CSMD1: variants seen among roughly 807,000 people sequenced by gnomAD.
CSMD1 encodes CUB and Sushi multiple domains 1.
In CSMD1, 213 loss-of-function variants were observed where a neutral mutation model predicts 417.5. That is an observed-to-expected ratio of 0.51 (90% CI 0.46 to 0.57). The LOEUF (loss-of-function observed/expected upper bound fraction) is 0.57. CSMD1 is among the 20% of genes least tolerant of loss of function. CSMD1 has a pLI of 0.00. For missense variants in CSMD1, 6,923 were observed against 4,529.7 expected (o/e 1.53, Z -15.17); for synonymous variants, 2,862 against 1,736.8 (o/e 1.65, Z -16.11).
At chr8:3,839,138 T>C (rs941904244) in intron 5 of CSMD1, among the ~76,000 whole-genome samples, 1 of 127,178 alleles carries the variant, frequency 7.9e-6, no homozygotes, top group African/African-American at 2.9e-5. Context: ...TCTCTAGATA[T>C]ATATAGTCTA....
At chr8:4,212,742 G>A (rs533458225) in intron 3 of CSMD1, among the ~76,000 whole-genome samples, 314 of 125,658 alleles carry the variant, frequency 2.5e-3, no homozygotes, top group Non-Finnish European at 3.6e-3. Flanking sequence ...TTACAACAGC[G>A]GCCTTATTCT....
chr8:4,299,542 A>G (rs1797869227), intron 3 of CSMD1, among the ~76,000 whole-genome samples: 1 of 152,250 alleles, frequency 6.6e-6, no homozygotes, highest in South Asian at 2.1e-4. Flanking sequence ...AAGAAAAATC[A>G]GTTTCTAGCT....
intron 5 of CSMD1, among the ~76,000 whole-genome samples, chr8:3,760,826 G>A (rs189964043): frequency 1.3e-5 from 2 of 152,170 alleles, no homozygotes; most frequent in Admixed American, 1.3e-4. Context: ...AAGCCAGAAA[G>A]CATTACTGCT....
At chr8:3,952,642 C>T (rs1190258375) in intron 5 of CSMD1, among the ~76,000 whole-genome samples, 2 of 152,016 alleles carry the variant, frequency 1.3e-5, no homozygotes, top group African/African-American at 2.4e-5. Flanking sequence ...GAGCTGTTTT[C>T]CTGGGGTGAT....
intron 10 of CSMD1, among the ~76,000 whole-genome samples, chr8:3,535,468 C>G (rs1798157084): frequency 6.6e-6 from 1 of 152,106 alleles, no homozygotes. Flanking sequence ...CCTCCATGTT[C>G]TCACTTATAA....
chr8:4,238,054 A>G (rs1802171817), intron 3 of CSMD1, among the ~76,000 whole-genome samples: 1 of 152,024 alleles, frequency 6.6e-6, no homozygotes, highest in Middle Eastern at 3.2e-3. Flanking sequence ...TAGTTTTTCT[A>G]CCCTAGGAGG....
intron 42 of CSMD1, among the ~76,000 whole-genome samples, chr8:3,114,577 T>G (rs527466656): frequency 2.2e-3 from 332 of 152,030 alleles, no homozygotes; most frequent in Non-Finnish European, 3.6e-3. Context: ...TTACTCTGGT[T>G]TCCTTAGAAG....
intron 2 of CSMD1, among the ~76,000 whole-genome samples, chr8:4,435,291 G>A (rs1256012691): frequency 1.3e-5 from 2 of 152,138 alleles, no homozygotes; most frequent in African/African-American, 2.4e-5. Flanking sequence ...GTTCACAAAT[G>A]ATTGTTCCAC....
At chr8:3,275,488 T>C (rs1404915433) in intron 26 of CSMD1, among the ~76,000 whole-genome samples, 4 of 152,206 alleles carry the variant, frequency 2.6e-5, no homozygotes, top group African/African-American at 9.7e-5. Flanking sequence ...CTTGCTAGAT[T>C]GGGGAAGTTC....
chr8:4,967,664 A>G (rs1441308873), intron 1 of CSMD1, among the ~76,000 whole-genome samples: 1 of 152,176 alleles, frequency 6.6e-6, no homozygotes, highest in East Asian at 1.9e-4. Flanking sequence ...GGTTCTAATG[A>G]GCATGAATCT....
At chr8:4,366,031 T>TA (rs1286893371) in intron 3 of CSMD1, among the ~76,000 whole-genome samples, 2 of 152,120 alleles carry the variant, frequency 1.3e-5, no homozygotes, top group Non-Finnish European at 2.9e-5. Context: ...GTCGCCCAGG[T>TA]AGTGAGCACA....
chr8:4,315,932 T>C (rs950126945), intron 3 of CSMD1, among the ~76,000 whole-genome samples: 3 of 152,164 alleles, frequency 2.0e-5, no homozygotes, highest in Non-Finnish European at 4.4e-5. Context: ...AAATGAAATA[T>C]AACCTTCTCT....
chr8:4,581,779 C>T (rs1283957901), intron 2 of CSMD1, among the ~76,000 whole-genome samples: 1 of 152,138 alleles, frequency 6.6e-6, no homozygotes, highest in African/African-American at 2.4e-5. Context: ...AGACAATTGC[C>T]TATTGGCTAT....
chr8:3,999,226 A>T (rs539027912), intron 4 of CSMD1, among the ~76,000 whole-genome samples: 108 of 151,638 alleles, frequency 7.1e-4, no homozygotes, highest in Non-Finnish European at 1.1e-3. Flanking sequence ...ATTAATTCTG[A>T]TACTGCAATG....
chr8:3,692,057 C>T (rs1270707445), intron 7 of CSMD1, among the ~76,000 whole-genome samples: 2 of 152,148 alleles, frequency 1.3e-5, no homozygotes, highest in African/African-American at 4.8e-5. Context: ...CTGCCTGCTC[C>T]GGGTGAGATC....
intron 1 of CSMD1, among the ~76,000 whole-genome samples, chr8:4,719,200 G>C (rs151235554): frequency 6.6e-6 from 1 of 152,140 alleles, no homozygotes; most frequent in Admixed American, 6.5e-5. Flanking sequence ...AAGTGCAGGG[G>C]TGGGGGAGAC....
At chr8:3,995,863 G>A (rs1204985045) in intron 5 of CSMD1, among the ~76,000 whole-genome samples, 4 of 152,152 alleles carry the variant, frequency 2.6e-5, no homozygotes, top group African/African-American at 7.2e-5. Context: ...AGGCACACAG[G>A]ATCATAGTTC....
intron 3 of CSMD1, among the ~76,000 whole-genome samples, chr8:4,274,866 A>C (rs142077112): frequency 0.018 from 2,762 of 152,190 alleles, 45 homozygotes; most frequent in Non-Finnish European, 0.028. Flanking sequence ...TTTTTCCCAG[A>C]CTCAAGTACC....
chr8:4,898,563 G>C (rs1260692498), intron 1 of CSMD1, among the ~76,000 whole-genome samples: 2 of 152,168 alleles, frequency 1.3e-5, no homozygotes, highest in Non-Finnish European at 2.9e-5. Flanking sequence ...CCAAGGGTGA[G>C]CATGGCTCAC....
Sources: allele counts gnomAD v4.1 joint callset (sites outside exome capture counted in the v4.1 genomes callset), GRCh38; gene constraint gnomAD v4.1.1; transcripts MANE v1.5; gene names NCBI Gene and HGNC (gene_info 2026-07-23, HGNC 2026-07-21).